The following SNX29 variants were observed in gnomAD, a reference collection of about 807,000 sequenced individuals.
The protein encoded by SNX29 is sorting nexin 29, also known as sorting nexin-29.
In SNX29, 78 loss-of-function variants were observed where a neutral mutation model predicts 102.1. That is an observed-to-expected ratio of 0.76 (90% CI 0.64 to 0.92). The LOEUF (loss-of-function observed/expected upper bound fraction) is 0.92, where lower values mean the gene tolerates loss of function less well. Among genes scored for constraint, SNX29 ranks in the 40% least tolerant of loss-of-function variants. SNX29 has a pLI of 0.00. For synonymous variants in SNX29, 580 were observed against 414.5 expected (o/e 1.40, Z -4.85); for missense variants, 1,280 against 1,061.7 (o/e 1.21, Z -2.86).
chr16:12,256,149 C>T (rs1351698955), intron 14 of SNX29, among the ~76,000 whole-genome samples: 1 of 152,200 alleles, frequency 6.6e-6, no homozygotes, highest in Non-Finnish European at 1.5e-5. Context: ...TGGTCATACA[C>T]CTGTTGGCCG....
At chr16:12,150,961 A>G (rs2055273223) in intron 13 of SNX29, among the ~76,000 whole-genome samples, 1 of 152,220 alleles carries the variant, frequency 6.6e-6, no homozygotes, top group Non-Finnish European at 1.5e-5. Flanking sequence ...CTTGGCTTTC[A>G]GAGGACCTTC....
chr16:12,427,044 CAA>C (rs1246207284), intron 18 of SNX29, among the ~76,000 whole-genome samples: 1 of 152,062 alleles, frequency 6.6e-6, no homozygotes, highest in Non-Finnish European at 1.5e-5. Context: ...AAGCAGGTAA[CAA>C]AAGAGAATGG....
chr16:12,168,034 C>T (rs981347217), intron 13 of SNX29, among the ~76,000 whole-genome samples: 5 of 152,218 alleles, frequency 3.3e-5, no homozygotes, highest in African/African-American at 1.2e-4. Flanking sequence ...AAGACAAAAT[C>T]ACCAGGTTTC....
intron 16 of SNX29, among the ~76,000 whole-genome samples, chr16:12,394,289 G>T (rs1313421691): frequency 1.3e-5 from 2 of 152,174 alleles, no homozygotes; most frequent in African/African-American, 4.8e-5. Context: ...GATCTTCTGG[G>T]CATCCCAGAG....
chr16:12,537,429 C>T (rs185570804), intron 20 of SNX29, among the ~76,000 whole-genome samples: 144 of 152,338 alleles, frequency 9.5e-4, no homozygotes, highest in African/African-American at 3.4e-3. Context: ...AGCTCAACTA[C>T]ATAGCAGCCT....
At chr16:12,269,800 C>CT (rs1156962870) in intron 14 of SNX29, among the ~76,000 whole-genome samples, 2 of 151,800 alleles carry the variant, frequency 1.3e-5, no homozygotes, top group African/African-American at 4.8e-5. Context: ...AATTGTCATT[C>CT]TTTCCATTTT....
At chr16:12,550,182 CATTATTACTAAGAGGAT>C (rs1356978146) in intron 20 of SNX29, among the ~76,000 whole-genome samples, 2 of 152,208 alleles carry the variant, frequency 1.3e-5, no homozygotes, top group Non-Finnish European at 2.9e-5. Flanking sequence ...ATCTCCATGA[CATTATTACTAAGAGGAT>C]AAAGCATGGA....
chr16:12,423,264 C>A (rs1038043608), intron 18 of SNX29, among the ~76,000 whole-genome samples: 2 of 151,896 alleles, frequency 1.3e-5, no homozygotes, highest in Non-Finnish European at 2.9e-5. Context: ...GGAAAACATT[C>A]ATCACATAAA....
At chr16:12,061,783 G>T (rs2050786831) in intron 9 of SNX29, 137 bp downstream of exon 9, 1 of 688,340 alleles carries the variant, frequency 1.5e-6, no homozygotes, top group African/African-American at 1.8e-5. Context: ...AGGGCCAGGG[G>T]GAGCTCACTG....
chr16:12,197,665 C>G (rs987307013), intron 13 of SNX29, among the ~76,000 whole-genome samples: 1 of 152,174 alleles, frequency 6.6e-6, no homozygotes, highest in Non-Finnish European at 1.5e-5. Flanking sequence ...TATTTTGTGT[C>G]AAACATTTGT....
intron 20 of SNX29, among the ~76,000 whole-genome samples, chr16:12,534,063 A>G (rs140264327): frequency 5.2e-4 from 79 of 152,358 alleles, no homozygotes; most frequent in African/African-American, 1.9e-3. Context: ...AGCAGTGCAG[A>G]GTGAGGGCAG....
chr16:12,552,832 C>G (rs879135833), intron 20 of SNX29, among the ~76,000 whole-genome samples: 1 of 152,264 alleles, frequency 6.6e-6, no homozygotes, highest in Admixed American at 6.5e-5. Flanking sequence ...TGACACCTGA[C>G]CTGCCAGAGA....
chr16:12,330,494 CTGTG>C (rs1408928715), intron 15 of SNX29, among the ~76,000 whole-genome samples: 1 of 152,208 alleles, frequency 6.6e-6, no homozygotes, highest in Non-Finnish European at 1.5e-5. Context: ...CGCAATGCAT[CTGTG>C]AGCCACGCTT....
At chr16:12,071,168 G>C (rs1298520114) in intron 10 of SNX29, among the ~76,000 whole-genome samples, 4 of 151,210 alleles carry the variant, frequency 2.6e-5, no homozygotes, top group African/African-American at 7.3e-5. Context: ...AAGCTCTTTA[G>C]TTTAATTAGA....
chr16:12,258,492 T>A (rs2078639909), intron 14 of SNX29, among the ~76,000 whole-genome samples: 1 of 152,172 alleles, frequency 6.6e-6, no homozygotes, highest in Non-Finnish European at 1.5e-5. Context: ...CTCTCCAGTG[T>A]ATGTTTTGCA....
intron 8 of SNX29, among the ~76,000 whole-genome samples, chr16:12,059,917 T>C (rs1039255501): frequency 9.9e-5 from 15 of 152,214 alleles, no homozygotes; most frequent in African/African-American, 2.9e-4. Context: ...GCTGATGGCC[T>C]TGGACAAGCC....
intron 15 of SNX29, among the ~76,000 whole-genome samples, chr16:12,292,728 A>G (rs928044490): frequency 2.0e-5 from 3 of 152,342 alleles, no homozygotes; most frequent in African/African-American, 4.8e-5. Context: ...TAATAGTGAG[A>G]CTTAGGACTT....
At chr16:12,185,226 G>A (rs909777342) in intron 13 of SNX29, among the ~76,000 whole-genome samples, 2 of 152,142 alleles carry the variant, frequency 1.3e-5, no homozygotes, top group African/African-American at 4.8e-5. Context: ...GAATAAATCA[G>A]CCACATGTGA....
At chr16:12,565,633 GT>G (rs2078969688) in intron 20 of SNX29, among the ~76,000 whole-genome samples, 1 of 152,206 alleles carries the variant, frequency 6.6e-6, no homozygotes, top group South Asian at 2.1e-4. Flanking sequence ...GCACAGACAT[GT>G]GACACATATA....
Sources: gnomAD v4.1 joint callset for allele counts (sites outside exome capture counted in the v4.1 genomes callset) on GRCh38, gnomAD v4.1.1 for gene constraint, MANE v1.5 for transcripts, NCBI Gene and HGNC (gene_info 2026-07-23, HGNC 2026-07-21) for gene names.